The following ADGB variants were observed in gnomAD, a reference collection of about 807,000 sequenced individuals.
ADGB encodes androglobin, also known as calpain-7-like protein.
A neutral mutation model predicts 210.5 loss-of-function variants in ADGB; 172 were observed. That is an observed-to-expected ratio of 0.82 (90% CI 0.72 to 0.93). ADGB has a LOEUF of 0.93. Ranked by LOEUF, ADGB falls within the 40% of genes least tolerant of loss-of-function variation. ADGB has a pLI of 0.00. For missense variants in ADGB, 2,025 were observed against 1,964.8 expected (o/e 1.03, Z -0.58); for synonymous variants, 658 against 662.7 (o/e 0.99, Z 0.11).
chr6:146,757,275 G>T (rs1341327215), intron 27 of ADGB, among the ~76,000 whole-genome samples: 1 of 151,482 alleles, frequency 6.6e-6, no homozygotes, highest in African/African-American at 2.4e-5. Context: ...CTAGTTGATT[G>T]TGGTGGTTTT....
intron 33 of ADGB, among the ~76,000 whole-genome samples, chr6:146,793,070 G>C (rs922591473): frequency 6.6e-6 from 1 of 152,134 alleles, no homozygotes; most frequent in African/African-American, 2.4e-5. Flanking sequence ...GGCTGTGGTG[G>C]CCAGCTTTTA....
intron 35 of ADGB, among the ~76,000 whole-genome samples, chr6:146,808,738 G>T (rs1484033540): frequency 8.5e-5 from 13 of 152,232 alleles, no homozygotes; most frequent in Non-Finnish European, 1.6e-4. Flanking sequence ...TCCTGTCCAG[G>T]CTGGGATGCA....
intron 13 of ADGB, 117 bp from the exon 14 acceptor site, chr6:146,715,265 C>A: frequency 4.4e-6 from 4 of 919,018 alleles, no homozygotes; most frequent in Admixed American, 3.2e-5. Flanking sequence ...GTAAATTTTC[C>A]CAAAAATCTA....
Position 146,745,975 on chromosome 6 carries a change from C to T in ADGB, c.3231C>T (p.Ala1077=). 1 of 1,551,268 alleles carries T rather than the reference C, an allele frequency of 6.4e-7. No homozygotes were observed. The part of the protein sequence containing the change: ...EAFTGDTYVA[A]SRWKLRLIGS... Reference sequence around the variant, plus strand: ...TTACAGGCGACACATATGTAGCAGCCTCACGATGGAAACTGCGTCTCATCG... The same window carrying T: ...TTACAGGCGACACATATGTAGCAGCTTCACGATGGAAACTGCGTCTCATCG... The change falls in exon 26 of 36, where the codon GCC becomes GCT. Residue 1077 remains alanine, a synonymous_variant. Transcript: ENST00000397944.
chr6:146,781,006 A>G (rs1425378064), intron 29 of ADGB, among the ~76,000 whole-genome samples: 1 of 152,028 alleles, frequency 6.6e-6, no homozygotes, highest in African/African-American at 2.4e-5. Flanking sequence ...TTTTCAGGTC[A>G]CAATTGAAAG....
chr6:146,643,221 G>A (rs1157479787), intron 2 of ADGB, among the ~76,000 whole-genome samples: 1 of 150,722 alleles, frequency 6.6e-6, no homozygotes, highest in Non-Finnish European at 1.5e-5. Context: ...GTATCTTAAA[G>A]GTGACAATAA....
intron 27 of ADGB, among the ~76,000 whole-genome samples, chr6:146,760,584 T>A (rs1777472935): frequency 6.6e-6 from 1 of 151,882 alleles, no homozygotes; most frequent in South Asian, 2.1e-4. Context: ...ACAAATCCTT[T>A]TTTGGACTTA....
intron 33 of ADGB, among the ~76,000 whole-genome samples, chr6:146,800,465 A>C (rs1481271618): frequency 6.6e-6 from 1 of 152,210 alleles, no homozygotes; most frequent in Non-Finnish European, 1.5e-5. Flanking sequence ...TGGTAAATTT[A>C]CTAAGAAGTA....
At chr6:146,695,434 A>G (rs1195111830) in intron 12 of ADGB, among the ~76,000 whole-genome samples, 1 of 152,142 alleles carries the variant, frequency 6.6e-6, no homozygotes, top group Non-Finnish European at 1.5e-5. Context: ...TTAACATAGT[A>G]ACTTGGAAAT....
chr6:146,740,888 A>G (rs1007858447), intron 24 of ADGB, among the ~76,000 whole-genome samples: 1 of 152,170 alleles, frequency 6.6e-6, no homozygotes, highest in African/African-American at 2.4e-5. Flanking sequence ...TCTAAGCAAT[A>G]GCATATTTGG....
chr6:146,747,535 C>T (rs1777257235), intron 26 of ADGB, among the ~76,000 whole-genome samples: 1 of 152,042 alleles, frequency 6.6e-6, no homozygotes, highest in East Asian at 1.9e-4. Context: ...TCTGGAAACT[C>T]AAGACATTGT....
chr6:146,785,448 T>C (rs1777859466), intron 31 of ADGB, among the ~76,000 whole-genome samples, 162 bp from the exon 32 acceptor site: 1 of 152,100 alleles, frequency 6.6e-6, no homozygotes. Context: ...AGAATTTGAG[T>C]TTATCTGATA....
intron 11 of ADGB, 64 bp downstream of exon 11, chr6:146,691,354 C>A: frequency 7.7e-7 from 1 of 1,303,144 alleles, no homozygotes; most frequent in Non-Finnish European, 1.0e-6. Flanking sequence ...GTTTCATCTG[C>A]GGTGAAAGAT....
intron 13 of ADGB, among the ~76,000 whole-genome samples, chr6:146,708,393 T>C (rs1776607248): frequency 6.6e-6 from 1 of 152,160 alleles, no homozygotes; most frequent in Non-Finnish European, 1.5e-5. Context: ...GTATTTCTCA[T>C]AAAACAGATC....
chr6:146,616,939 G>T (rs971538007), intron 1 of ADGB, among the ~76,000 whole-genome samples: 5 of 151,976 alleles, frequency 3.3e-5, no homozygotes, highest in Admixed American at 6.6e-5. Flanking sequence ...GTTGTTTGGG[G>T]CTCCATACAA....
Position 146,644,795 on chromosome 6 carries a change from G to T in ADGB, c.260G>T (p.Gly87Val). The change falls in exon 3 of 36, where the codon GGA becomes GTA. Residue 87 changes from glycine to valine, a missense_variant. Gly to Val is a moderately radical substitution (Grantham distance 109, BLOSUM62 -3). Coordinates refer to ENST00000397944, the MANE Select transcript of ADGB (RefSeq NM_024694.4). ...PVFHFFEDPE[G>V]KIELPPSLKI... is the part of the protein sequence containing the mutation. ...TAGCATTTTTTTGAGGACCCTGAAG[G>T]AAAGATTGAGTTACCACCATCCTTG... is the stretch of plus-strand genomic sequence containing the variant. 6.8e-7 allele frequency: 1 copy of T among 1,481,016 alleles called. No homozygotes were observed. Among genetic ancestry groups the T allele is most frequent in the Non-Finnish European group, 9.0e-7 (1 of 1,114,530 alleles). The allele number at this position is 1,481,016 out of a possible 1,614,324, so 91.7% of individuals were successfully genotyped here.
chr6:146,737,095 G>T (rs1777089714), intron 23 of ADGB, among the ~76,000 whole-genome samples: 1 of 151,744 alleles, frequency 6.6e-6, no homozygotes, highest in African/African-American at 2.4e-5. Flanking sequence ...CATACATTAT[G>T]GAAAATATGT....
intron 30 of ADGB, among the ~76,000 whole-genome samples, chr6:146,783,471 G>A (rs1777830401): frequency 6.6e-6 from 1 of 152,010 alleles, no homozygotes; most frequent in South Asian, 2.1e-4. Context: ...TCCCTTTCCT[G>A]ATCAAAATTT....
chr6:146,745,009 G>A (rs1250874404), intron 25 of ADGB, among the ~76,000 whole-genome samples: 1 of 151,732 alleles, frequency 6.6e-6, no homozygotes, highest in African/African-American at 2.4e-5. Flanking sequence ...TTTTTTACTT[G>A]CCCCAAACAT....
Sources: allele counts gnomAD v4.1 joint callset (sites outside exome capture counted in the v4.1 genomes callset), GRCh38; gene constraint gnomAD v4.1.1; transcripts MANE v1.5; gene names NCBI Gene and HGNC (gene_info 2026-07-23, HGNC 2026-07-21).